Variants in JHY observed in about 807,000 individuals in gnomAD.
JHY encodes the protein jhy protein homolog.
A neutral mutation model predicts 78.0 loss-of-function variants in JHY; 69 were observed. That is an observed-to-expected ratio of 0.88 (90% confidence interval 0.73 to 1.08). JHY has a LOEUF of 1.08. Among genes scored for constraint, JHY ranks in the 50% least tolerant of loss-of-function variants. JHY has a pLI of 0.00. For synonymous variants in JHY, 368 were observed against 342.6 expected, an observed-to-expected ratio of 1.07 and a Z score of -0.82; for missense variants, 944 against 927.8, an observed-to-expected ratio of 1.02 and a Z score of -0.23.
intron 3 of JHY, among the ~76,000 whole-genome samples, chr11:122,921,354 G>A (rs772985993): frequency 2.0e-5 from 3 of 152,160 alleles, no homozygotes; most frequent in Non-Finnish European, 4.4e-5. Context: ...ACAAAAGTCA[G>A]GGAATCAGCA....
At chr11:122,954,377 G>A (rs1408191781) in intron 6 of JHY, among the ~76,000 whole-genome samples, 2 of 152,226 alleles carry the variant, frequency 1.3e-5, no homozygotes, top group Admixed American at 6.5e-5. Flanking sequence ...AACATCTACA[G>A]TGGGAAGTGG....
chr11:122,942,028 T>C (rs7125837), intron 5 of JHY, among the ~76,000 whole-genome samples: 82,357 of 151,904 alleles, frequency 0.54, 23,093 homozygotes, highest in African/African-American at 0.69. Context: ...CGTGACACCA[T>C]GCCCAGCTAA....
chr11:122,886,339 G>A, intron 2 of JHY, 146 bp downstream of exon 2: 1 of 748,656 alleles, frequency 1.3e-6, no homozygotes. Flanking sequence ...AAGGATAGCT[G>A]GGCACCATGT....
rs1417678704 is a variant in JHY at position 122,883,191 on chromosome 11, G to T, written c.-90+219G>T. Reference sequence around the variant, plus strand: ...CGAGGCTTCGGCGCCCGGGCACCCAGAGCAGCCCTGTTCCCGGTCAATTAG... The same window carrying T: ...CGAGGCTTCGGCGCCCGGGCACCCATAGCAGCCCTGTTCCCGGTCAATTAG... On this transcript the variant is annotated intron_variant, in intron 1 of 8. Transcript: ENST00000227349. This position sits in a 1 kb window ranked among gnomAD's most constrained non-coding sequence, Gnocchi z 4.4. Among the ~76,000 whole-genome samples, 1 of 152,164 alleles carries T rather than the reference G, an allele frequency of 6.6e-6. No homozygotes were observed. Among genetic ancestry groups the T allele is most frequent in the Admixed American group, 6.5e-5 (1 of 15,286 alleles).
chr11:122,956,422 C>T (rs773750448), intron 6 of JHY, 74 bp from the exon 7 acceptor site: 212 of 1,292,228 alleles, frequency 1.6e-4, no homozygotes, highest in Admixed American at 2.9e-4. Context: ...GTGGCTATGA[C>T]ACCTTACAGG....
chr11:122,927,733 C>CT (rs113552516), intron 4 of JHY, among the ~76,000 whole-genome samples: 2,293 of 140,196 alleles, frequency 0.016, 37 homozygotes, highest in Non-Finnish European at 0.026. Context: ...TTTCTTTTTT[C>CT]TTTTTTTTTT....
At chr11:122,924,701 A>G (rs911252433) in intron 3 of JHY, among the ~76,000 whole-genome samples, 196 bp from the exon 4 acceptor site, 1 of 152,198 alleles carries the variant, frequency 6.6e-6, no homozygotes, top group Non-Finnish European at 1.5e-5. Flanking sequence ...CGTGTCTGCA[A>G]GAGAAAACAT....
At chr11:122,928,464 A>G (rs1863560328) in intron 4 of JHY, among the ~76,000 whole-genome samples, 2 of 152,102 alleles carry the variant, frequency 1.3e-5, no homozygotes, top group South Asian at 4.1e-4. Context: ...CTTTGTGCAA[A>G]ATCAAAATAT....
chr11:122,916,241 A>T (rs771573821), intron 3 of JHY, among the ~76,000 whole-genome samples: 1 of 152,214 alleles, frequency 6.6e-6, no homozygotes, highest in African/African-American at 2.4e-5. Flanking sequence ...GATACCCCAC[A>T]TATCTTGTTC....
intron 4 of JHY, among the ~76,000 whole-genome samples, chr11:122,930,405 G>A (rs1037529219): frequency 6.6e-6 from 1 of 152,144 alleles, no homozygotes; most frequent in African/African-American, 2.4e-5. Context: ...TTTAACCAGA[G>A]GATGTATTCA....
chr11:122,957,545 T>C (rs1325342563), intron 8 of JHY, 54 bp downstream of exon 8: 1 of 1,364,364 alleles, frequency 7.3e-7, no homozygotes, highest in Admixed American at 2.9e-5. Flanking sequence ...AAAAGGAAAC[T>C]TTTATTATCG....
Position 122,953,083 on chromosome 11 carries a change from A to G in JHY, c.1930-3413A>G, listed in dbSNP as rs141924203. Among the ~76,000 whole-genome samples, 7 of 152,320 alleles carry G rather than the reference A, an allele frequency of 4.6e-5. No homozygotes were observed. In the East Asian group the frequency reaches 7.7e-4, roughly 17 times the overall value. On this transcript the variant is annotated intron_variant, in intron 6 of 8. Transcript: ENST00000227349. ...TTAATTGATGGCCTTAAACATATTC[A>G]TTTTATTTCAATAATTCTATGGCTA...
At chr11:122,910,653 T>C (rs1263912475) in intron 3 of JHY, among the ~76,000 whole-genome samples, 1 of 152,220 alleles carries the variant, frequency 6.6e-6, no homozygotes, top group Non-Finnish European at 1.5e-5. Context: ...ACCATACTTA[T>C]GTATTATCTT....
chr11:122,942,063 C>A (rs760435430), intron 5 of JHY, among the ~76,000 whole-genome samples: 2 of 151,762 alleles, frequency 1.3e-5, no homozygotes, highest in Admixed American at 1.3e-4. Flanking sequence ...GTAGAGACAG[C>A]GTTTCGCCAT....
In JHY at chr11:122,920,628, A is replaced by G. The variant is rs536242580; in HGVS notation, c.865-4269A>G. 5.9e-5 allele frequency among the ~76,000 whole-genome samples: 9 copies of G among 152,298 alleles called. No homozygotes were observed. In the East Asian group the frequency reaches 7.7e-4, roughly 13 times the overall value. On this transcript the variant is annotated intron_variant, in intron 3 of 8. Transcript: ENST00000227349. ...TCTTTGAGCAAGAAGTAGCAGCCCA[A>G]TCTAGCTCAGCTGTACTCAATCTGA...
intron 3 of JHY, among the ~76,000 whole-genome samples, chr11:122,919,755 G>T (rs1402335442): frequency 6.6e-6 from 1 of 152,112 alleles, no homozygotes; most frequent in East Asian, 1.9e-4. Context: ...GAGGTGGGCG[G>T]ATCACCTGAG....
At chr11:122,897,123 G>A (rs1862755821) in intron 2 of JHY, among the ~76,000 whole-genome samples, 1 of 152,184 alleles carries the variant, frequency 6.6e-6, no homozygotes, top group Admixed American at 6.5e-5. Flanking sequence ...CCAAAGTGCT[G>A]GGATTACAGG....
intron 2 of JHY, among the ~76,000 whole-genome samples, chr11:122,888,337 G>A (rs938112857): frequency 4.7e-4 from 71 of 152,328 alleles, no homozygotes; most frequent in African/African-American, 1.7e-3. Flanking sequence ...TGGGCAAAGA[G>A]ACTGCTGGAT....
chr11:122,944,949 G>A (rs1288216708), intron 5 of JHY, among the ~76,000 whole-genome samples: 2 of 152,042 alleles, frequency 1.3e-5, no homozygotes, highest in Admixed American at 6.5e-5. Flanking sequence ...GTTTCGTTGT[G>A]ATATGCTTAG....
Sources: gnomAD v4.1 joint callset for allele counts (sites outside exome capture counted in the v4.1 genomes callset) on GRCh38, gnomAD v4.1.1 for gene constraint, Gnocchi (gnomAD v3.1) non-coding constraint, MANE v1.5 for transcripts, NCBI Gene and HGNC (gene_info 2026-07-23, HGNC 2026-07-21) for gene names.